RAB11FIP2: variants seen among roughly 807,000 people sequenced by gnomAD.
RAB11FIP2 encodes RAB11 family interacting protein 2.
A neutral mutation model predicts 40.9 loss-of-function variants in RAB11FIP2; 16 were observed. That is an observed-to-expected ratio of 0.39 (90% confidence interval 0.26 to 0.59). RAB11FIP2 has a LOEUF of 0.59. RAB11FIP2 is among the 20% of genes least tolerant of loss of function. The pLI, the probability that RAB11FIP2 is intolerant of heterozygous loss-of-function variation, is 0.53. For synonymous variants in RAB11FIP2, 228 were observed against 213.7 expected, an observed-to-expected ratio of 1.07 and a Z score of -0.58; for missense variants, 532 against 606.2, an observed-to-expected ratio of 0.88 and a Z score of 1.28.
chr10:118,038,960 T>C lies in RAB11FIP2; in HGVS notation c.1265+12A>G, dbSNP rs370579198. 14 of 1,544,846 alleles carry C rather than the reference T, an allele frequency of 9.1e-6. No homozygotes were observed. Among genetic ancestry groups the C allele is most frequent in the Admixed American group, 2.0e-5 (1 of 50,450 alleles). ...TTCCCAAATAGTAGAACTTCCCCCA[T>C]ATTAAGCTTACCTTGAAGATGGCAT... is the stretch of plus-strand genomic sequence containing the variant. On this transcript the variant is annotated intron_variant, in intron 3 of 4. Coordinates refer to ENST00000355624, the MANE Select transcript of RAB11FIP2 (RefSeq NM_014904.3).
intron 3 of RAB11FIP2, among the ~76,000 whole-genome samples, chr10:118,019,799 C>A (rs144684742): frequency 1.3e-5 from 2 of 150,364 alleles, no homozygotes; most frequent in Non-Finnish European, 3.0e-5. Context: ...GCACTCCAAC[C>A]TGGGGGAAGG....
chr10:118,005,200 A>G lies in RAB11FIP2; in HGVS notation c.*3798T>C, dbSNP rs1023569700. ...TTTTTTGTACCTCAAAACACAAACCATCTGGAAGCTTCGAAGACTAACAGG... is the reference window on the plus strand; with the variant it reads ...TTTTTTGTACCTCAAAACACAAACCGTCTGGAAGCTTCGAAGACTAACAGG... On this transcript the variant is annotated 3_prime_UTR_variant, in exon 5 of 5. Transcript: ENST00000355624. The G allele has an allele frequency of 1.3e-5, 2 of 152,626 alleles. No homozygotes were observed. Among genetic ancestry groups the G allele is most frequent in the African/African-American group, 4.8e-5 (2 of 41,460 alleles). 9.5% of individuals were successfully genotyped at this position (152,626 alleles called of 1,614,324 possible).
intron 3 of RAB11FIP2, among the ~76,000 whole-genome samples, chr10:118,035,809 T>C (rs1846473879): frequency 6.6e-6 from 1 of 151,986 alleles, no homozygotes; most frequent in South Asian, 2.1e-4. Context: ...AGGGAACAAC[T>C]ACCCCTCCCT....
At position 118,006,113 on chromosome 10, in the gene RAB11FIP2, G is replaced by C. The variant is rs1016679087; in HGVS notation, c.*2885C>G. 6.5e-6 allele frequency: 1 copy of C among 152,678 alleles called. No homozygotes were observed. Among genetic ancestry groups the C allele is most frequent in the Admixed American group, 6.5e-5 (1 of 15,282 alleles). 9.5% of individuals were successfully genotyped at this position (152,678 alleles called of 1,614,324 possible). The stretch of plus-strand genomic sequence containing the variant: ...GTTTTTCATGAATGGGTTACATGTT[G>C]TTTTATATACAATTCTAAGATATGA... On this transcript the variant is annotated 3_prime_UTR_variant, in exon 5 of 5. Transcript: ENST00000355624.
intron 4 of RAB11FIP2, among the ~76,000 whole-genome samples, chr10:118,014,799 A>T (rs1219463475): frequency 6.6e-6 from 1 of 152,214 alleles, no homozygotes; most frequent in East Asian, 1.9e-4. Context: ...AAAAGTCTGT[A>T]AACAAAATAT....
Position 118,045,922 on chromosome 10 carries a change from A to T in RAB11FIP2, c.242T>A (p.Ile81Asn). Residue 81 changes from isoleucine to asparagine, a missense_variant, in exon 1 of 5, where the codon ATT becomes AAT. Transcript: ENST00000355624. ...CCTGTGCATAACTATAAGGAAAAGA[A>T]TGTATTTCTCTGGACTTCCCTGAAT... Reference protein sequence around the residue: ...LLIQGSPEKYILFLIVMHRSL... With the variant: ...LLIQGSPEKYNLFLIVMHRSL... The T allele has an allele frequency of 9.3e-6, 15 of 1,614,250 alleles. No individual in the cohort carries two copies. The highest frequency in any genetic ancestry group is 1.3e-5 in the Non-Finnish European group (15 of 1,180,040).
intron 3 of RAB11FIP2, among the ~76,000 whole-genome samples, chr10:118,035,111 T>C (rs995005456): frequency 3.3e-5 from 5 of 152,122 alleles, no homozygotes; most frequent in Admixed American, 3.3e-4. Context: ...TTGGAGGCCA[T>C]GTGTTAAATG....
chr10:118,017,432 G>A (rs1846234945), intron 3 of RAB11FIP2: 1 of 152,174 alleles, frequency 6.6e-6, no homozygotes. Flanking sequence ...GTCAAGGAAT[G>A]CCTAATTCAT....
At chr10:118,035,153 C>T (rs1457423908) in intron 3 of RAB11FIP2, among the ~76,000 whole-genome samples, 1 of 152,098 alleles carries the variant, frequency 6.6e-6, no homozygotes, top group Non-Finnish European at 1.5e-5. Context: ...AGCCTGCTTC[C>T]TGAGAGACTG....
At chr10:118,037,096 T>G (rs1231242408) in intron 3 of RAB11FIP2, among the ~76,000 whole-genome samples, 1 of 152,088 alleles carries the variant, frequency 6.6e-6, no homozygotes, top group East Asian at 1.9e-4. Flanking sequence ...CCAACAACCT[T>G]CTGTAAAAAA....
chr10:118,040,715 G>C (rs1296476321), intron 1 of RAB11FIP2, 150 bp from the exon 2 acceptor site: 5 of 596,472 alleles, frequency 8.4e-6, no homozygotes, highest in Non-Finnish European at 1.4e-5. Context: ...AGTATTTCGG[G>C]CTTTACTTAT....
chr10:118,043,772 A>G (rs1405992827), intron 1 of RAB11FIP2, among the ~76,000 whole-genome samples: 6 of 152,326 alleles, frequency 3.9e-5, no homozygotes, highest in African/African-American at 1.4e-4. Context: ...ATGCTGAAAA[A>G]GTTTAGCAAT....
intron 4 of RAB11FIP2, among the ~76,000 whole-genome samples, chr10:118,011,206 C>T (rs1475757726): frequency 6.6e-6 from 1 of 152,022 alleles, no homozygotes; most frequent in African/African-American, 2.4e-5. Flanking sequence ...ATGTCTAAAA[C>T]AACTTAGTTT....
rs150010886 is a variant in RAB11FIP2 at position 118,007,606 on chromosome 10, A to G, written c.*1392T>C. 1.1e-4 allele frequency: 16 copies of G among 152,238 alleles called. No individual in the cohort carries two copies. The highest frequency in any genetic ancestry group is 2.6e-4 in the African/African-American group (11 of 41,572). The allele number at this position is 152,238 out of a possible 1,614,324, so 9.4% of individuals were successfully genotyped here. ...ATTTTCATTTTAAATTCAGAAAGAC[A>G]TAGATACTCTCAGTGTTTTATAGTA... is the stretch of plus-strand genomic sequence containing the variant. On this transcript the variant is annotated 3_prime_UTR_variant, in exon 5 of 5. Coordinates refer to ENST00000355624, the MANE Select transcript of RAB11FIP2 (RefSeq NM_014904.3).
chr10:118,026,337 G>A (rs1017673862), intron 3 of RAB11FIP2, among the ~76,000 whole-genome samples: 1 of 151,982 alleles, frequency 6.6e-6, no homozygotes, highest in African/African-American at 2.4e-5. Flanking sequence ...TTAAAACCAG[G>A]ATGACAAAAC....
chr10:118,046,221 G>A lies in RAB11FIP2; in HGVS notation c.-58C>T. 2.1e-6 allele frequency: 3 copies of A among 1,443,194 alleles called. No homozygotes were observed. Among genetic ancestry groups the A allele is most frequent in the Non-Finnish European group, 2.9e-6 (3 of 1,041,054 alleles). 89.4% of individuals were successfully genotyped at this position (1,443,194 alleles called of 1,614,324 possible). ...GCACAGGCAGTGCCCCTCCCGGAGG[G>A]AGAGCCTAATTCCTTAATCACTGCA... is the stretch of plus-strand genomic sequence containing the variant. On this transcript the variant is annotated 5_prime_UTR_variant, in exon 1 of 5. Transcript: ENST00000355624.
chr10:118,041,807 G>A (rs2098146571), intron 1 of RAB11FIP2, among the ~76,000 whole-genome samples: 1 of 152,076 alleles, frequency 6.6e-6, no homozygotes, highest in Admixed American at 6.6e-5. Context: ...ATATTTTCTT[G>A]ATTAACTAAA....
At chr10:118,031,522 G>A (rs1296105199) in intron 3 of RAB11FIP2, among the ~76,000 whole-genome samples, 1 of 151,952 alleles carries the variant, frequency 6.6e-6, no homozygotes, top group Non-Finnish European at 1.5e-5. Flanking sequence ...TATGATACAA[G>A]CACAGACAGG....
chr10:118,038,692 C>G (rs946959879), intron 3 of RAB11FIP2, among the ~76,000 whole-genome samples: 1 of 152,032 alleles, frequency 6.6e-6, no homozygotes, highest in African/African-American at 2.4e-5. Context: ...TGTCTCATCA[C>G]AAGCCATGTT....
Sources: gnomAD v4.1 joint callset for allele counts (sites outside exome capture counted in the v4.1 genomes callset) on GRCh38, gnomAD v4.1.1 for gene constraint, MANE v1.5 for transcripts, NCBI Gene and HGNC (gene_info 2026-07-23, HGNC 2026-07-21) for gene names.